DAPK1: variants seen among roughly 807,000 people sequenced by gnomAD.
DAPK1 encodes the protein death-associated protein kinase 1.
In DAPK1, 56 loss-of-function variants were observed where a neutral mutation model predicts 144.9. The ratio of observed to expected loss-of-function variants is 0.39; its 90% CI spans 0.31 to 0.48. The LOEUF is 0.48. DAPK1 is among the 20% of genes least tolerant of loss of function. DAPK1 has a pLI of 0.95. For missense variants in DAPK1, 1,454 were observed against 1,875.4 expected, an observed-to-expected ratio of 0.78 and a Z score of 4.15; for synonymous variants, 690 against 749.0, an observed-to-expected ratio of 0.92 and a Z score of 1.29.
At chr9:87,542,448 G>A (rs981292) in intron 2 of DAPK1, among the ~76,000 whole-genome samples, 68,856 of 152,012 alleles carry the variant, frequency 0.45, 15,777 homozygotes, top group South Asian at 0.57. Flanking sequence ...CTGACCCTGT[G>A]GTCAGCATTT....
intron 19 of DAPK1, among the ~76,000 whole-genome samples, chr9:87,678,272 G>A (rs117496101): frequency 6.6e-6 from 1 of 152,362 alleles, no homozygotes; most frequent in East Asian, 1.9e-4. Context: ...CAAAAGATCA[G>A]TAGCATGCCC....
intron 2 of DAPK1, among the ~76,000 whole-genome samples, chr9:87,585,423 T>C (rs1827914083): frequency 6.6e-6 from 1 of 152,226 alleles, no homozygotes. Context: ...TCTATTTGGC[T>C]TCTGTACTCC....
intron 17 of DAPK1, among the ~76,000 whole-genome samples, chr9:87,657,015 A>G (rs1191260038): frequency 6.6e-6 from 1 of 152,210 alleles, no homozygotes; most frequent in East Asian, 1.9e-4. Flanking sequence ...TGTTAACTTT[A>G]TAACAAAAAC....
intron 24 of DAPK1, among the ~76,000 whole-genome samples, chr9:87,701,651 C>T (rs73653345): frequency 0.064 from 9,656 of 151,688 alleles, 1,057 homozygotes; most frequent in African/African-American, 0.22. Flanking sequence ...TTCCTGCTGC[C>T]GAGGCCTGAG....
chr9:87,565,093 A>G (rs1425361517), intron 2 of DAPK1, among the ~76,000 whole-genome samples: 1 of 152,172 alleles, frequency 6.6e-6, no homozygotes, highest in Non-Finnish European at 1.5e-5. Context: ...ATTCCCAGAA[A>G]GACTTTTCAC....
At chr9:87,519,817 G>A (rs1825227874) in intron 2 of DAPK1, among the ~76,000 whole-genome samples, 1 of 152,110 alleles carries the variant, frequency 6.6e-6, no homozygotes, top group Non-Finnish European at 1.5e-5. Context: ...GCTCTCAGGG[G>A]TGTCAGTGAA....
chr9:87,547,845 CAG>C (rs1161667446), intron 2 of DAPK1, among the ~76,000 whole-genome samples: 3 of 152,116 alleles, frequency 2.0e-5, no homozygotes, highest in African/African-American at 7.2e-5. Flanking sequence ...TGGCTTTACT[CAG>C]AGTCTGCTGA....
chr9:87,647,283 C>T (rs755350234), intron 13 of DAPK1, 22 bp from the exon 14 acceptor site: 3 of 1,601,486 alleles, frequency 1.9e-6, no homozygotes, highest in Admixed American at 3.3e-5. Context: ...AGAAATGTGA[C>T]CCCAGGTTGA....
rs1564111072 is a variant in DAPK1 at position 87,499,092 on chromosome 9, G to A, written c.15G>A (p.Arg5=). 1 of 1,614,134 alleles carries A rather than the reference G, an allele frequency of 6.2e-7. No homozygotes were observed. The highest frequency in any genetic ancestry group is 1.1e-5 in the South Asian group (1 of 91,080). Residue 5 remains arginine, a synonymous_variant, in exon 2 of 26, where the codon AGG becomes AGA. Coordinates refer to ENST00000408954, the MANE Select transcript of DAPK1 (RefSeq NM_004938.4). ...GACAGTTTATCATGACCGTGTTCAG[G>A]CAGGAAAACGTGGATGATTACTACG... is the stretch of plus-strand genomic sequence containing the variant. MTVF[R]QENVDDYYDT...
chr9:87,533,851 C>T (rs1051595859), intron 2 of DAPK1, among the ~76,000 whole-genome samples: 4 of 152,106 alleles, frequency 2.6e-5, no homozygotes, highest in African/African-American at 7.2e-5. Flanking sequence ...TGAGTTGAGA[C>T]GGGGTTTCGC....
rs760106068 is a variant in DAPK1 at position 87,697,070 on chromosome 9, A to G, written c.2477A>G (p.Tyr826Cys). The G allele has an allele frequency of 3.1e-6, 5 of 1,588,776 alleles. No homozygotes were observed. Among genetic ancestry groups the G allele is most frequent in the Non-Finnish European group, 2.6e-6 (3 of 1,156,888 alleles). Reference protein sequence around the residue: ...GNPVYFCCYDYFAANDPTSIH... With the variant: ...GNPVYFCCYDCFAANDPTSIH... ...CCTGTGTATTTCTGCTGTTATGACT[A>G]TTTTGCTGCAAATGATCCCACGTCA... The change falls in exon 22 of 26, where the codon TAT (tyrosine) becomes TGT (cysteine). Residue 826 changes from tyrosine to cysteine, a missense_variant. Transcript: ENST00000408954.
chr9:87,648,918 A>C (rs543467555), intron 15 of DAPK1, 39 bp downstream of exon 15: 1 of 1,526,470 alleles, frequency 6.6e-7, no homozygotes, highest in Admixed American at 1.7e-5. Context: ...TCTGCTCTAT[A>C]CATGAATGTA....
At chr9:87,539,241 G>C (rs1046513774) in intron 2 of DAPK1, among the ~76,000 whole-genome samples, 2 of 151,974 alleles carry the variant, frequency 1.3e-5, no homozygotes, top group East Asian at 3.9e-4. Context: ...AGCAATTACT[G>C]AAGTTTAATA....
At chr9:87,616,853 TACCTGTTGGCCAA>T (rs1250378210) in intron 3 of DAPK1, among the ~76,000 whole-genome samples, 1 of 152,238 alleles carries the variant, frequency 6.6e-6, no homozygotes, top group African/African-American at 2.4e-5. Context: ...TCTGTGGGGC[TACCTGTTGGCCAA>T]ACCAAACTAG....
chr9:87,504,559 C>G (rs36228624), intron 2 of DAPK1, among the ~76,000 whole-genome samples: 2,254 of 152,244 alleles, frequency 0.015, 27 homozygotes, highest in Non-Finnish European at 0.018. Context: ...GTCTCCCCGG[C>G]CAATGAGGAA....
intron 2 of DAPK1, among the ~76,000 whole-genome samples, chr9:87,500,131 C>T (rs1824338440): frequency 1.3e-5 from 2 of 152,074 alleles, no homozygotes; most frequent in South Asian, 4.1e-4. Flanking sequence ...TAAAAAACAC[C>T]CACATCCTGG....
intron 2 of DAPK1, among the ~76,000 whole-genome samples, chr9:87,552,838 C>T (rs926788960): frequency 6.6e-6 from 1 of 151,778 alleles, no homozygotes; most frequent in South Asian, 2.1e-4. Flanking sequence ...AGGCCTCAAG[C>T]GATTCTCCCA....
Position 87,632,729 on chromosome 9 carries a change from A to C in DAPK1, c.285-5214A>C, listed in dbSNP as rs139070023. ...ATGAGTATACATGTAGAGATGAAGG[A>C]GGGTGAGTATATATGTAGGGAAGAA... On this transcript the variant is annotated intron_variant, in intron 3 of 25. Coordinates refer to ENST00000408954, the MANE Select transcript of DAPK1 (RefSeq NM_004938.4). 11 of 980,148 alleles carry C rather than the reference A, an allele frequency of 1.1e-5. No homozygotes were observed. In the East Asian group the frequency reaches 1.2e-3, roughly 103 times the overall value. The allele number at this position is 980,148 out of a possible 1,614,324, so 60.7% of individuals were successfully genotyped here.
At chr9:87,615,636 G>A (rs1302656889) in intron 3 of DAPK1, among the ~76,000 whole-genome samples, 2 of 152,240 alleles carry the variant, frequency 1.3e-5, no homozygotes, top group Non-Finnish European at 2.9e-5. Context: ...CCTGAAGAGA[G>A]GATATGGTTA....
Sources: allele counts gnomAD v4.1 joint callset (sites outside exome capture counted in the v4.1 genomes callset), GRCh38; gene constraint gnomAD v4.1.1; transcripts MANE v1.5; gene names NCBI Gene and HGNC (gene_info 2026-07-23, HGNC 2026-07-21).